Variants in GALNT13 observed in about 807,000 individuals in gnomAD.
GALNT13 encodes the protein UDP-GalNAc:polypeptide N-acetylgalactosaminyltransferase 13.
A neutral mutation model predicts 64.2 loss-of-function variants in GALNT13; 28 were observed. The observed-to-expected ratio is 0.44, with a 90% CI of 0.32 to 0.60. The LOEUF is 0.60. GALNT13 is among the 20% of genes least tolerant of loss of function. GALNT13 has a pLI of 0.05. For synonymous variants in GALNT13, 214 were observed against 224.6 expected, an observed-to-expected ratio of 0.95 and a Z score of 0.42; for missense variants, 577 against 669.8, an observed-to-expected ratio of 0.86 and a Z score of 1.53.
At chr2:153,308,501 C>T in the GALNT13 span, among the ~76,000 whole-genome samples, 2 of 152,166 alleles carry the variant, frequency 1.3e-5, no homozygotes, top group African/African-American at 2.4e-5. Context: ...ATCAGGGAAA[C>T]ACTATAACAA....
the GALNT13 span, among the ~76,000 whole-genome samples, chr2:153,088,575 A>G: frequency 1.3e-5 from 2 of 152,174 alleles, no homozygotes; most frequent in Non-Finnish European, 2.9e-5. Flanking sequence ...GCTCCCCACT[A>G]TTATCGTGTT....
the GALNT13 span, among the ~76,000 whole-genome samples, chr2:153,487,953 T>C: frequency 0.014 from 2,087 of 152,274 alleles, 50 homozygotes; most frequent in African/African-American, 0.047. Flanking sequence ...AGATTTGCAT[T>C]TTAAAAAGAA....
the GALNT13 span, among the ~76,000 whole-genome samples, chr2:153,160,645 A>G: frequency 6.6e-6 from 1 of 152,224 alleles, no homozygotes; most frequent in African/African-American, 2.4e-5. Flanking sequence ...GCATGTGTCC[A>G]TAGTGGGAAA....
chr2:153,260,821 G>GTTGACCTCTTCAAC, the GALNT13 span, among the ~76,000 whole-genome samples: 1 of 152,128 alleles, frequency 6.6e-6, no homozygotes, highest in Non-Finnish European at 1.5e-5. Context: ...TTCAAGACCA[G>GTTGACCTCTTCAAC]TAGCTCTTGG....
At chr2:153,861,559 C>CTTTTTTTTTTTTTTTTTT in the GALNT13 span, among the ~76,000 whole-genome samples, 21 of 118,194 alleles carry the variant, frequency 1.8e-4, no homozygotes, top group East Asian at 5.9e-4. Flanking sequence ...TTCTTTCTTT[C>CTTTTTTTTTTTTTTTTTT]TTTTTTTTTT....
At chr2:154,378,852 A>T (rs1318493180) in intron 9 of GALNT13, among the ~76,000 whole-genome samples, 2 of 152,152 alleles carry the variant, frequency 1.3e-5, no homozygotes, top group Admixed American at 6.6e-5. Flanking sequence ...ATTTTTAAAG[A>T]TACTTTTCCT....
chr2:154,315,890 C>G (rs34728406), intron 9 of GALNT13, among the ~76,000 whole-genome samples: 125 of 152,100 alleles, frequency 8.2e-4, no homozygotes, highest in African/African-American at 3.0e-3. Flanking sequence ...GAGTTCCAGA[C>G]CAGACTGACC....
chr2:154,338,160 A>G (rs1382140247), intron 9 of GALNT13, among the ~76,000 whole-genome samples: 1 of 152,132 alleles, frequency 6.6e-6, no homozygotes, highest in Non-Finnish European at 1.5e-5. Context: ...CACATAATAT[A>G]TTTTTAACAG....
chr2:154,019,322 A>G (rs1697253290), intron 3 of GALNT13, among the ~76,000 whole-genome samples: 1 of 152,148 alleles, frequency 6.6e-6, no homozygotes, highest in Non-Finnish European at 1.5e-5. Context: ...GAAATCATTA[A>G]TTCTTTAGCA....
At chr2:153,424,100 T>A in the GALNT13 span, among the ~76,000 whole-genome samples, 8 of 150,290 alleles carry the variant, frequency 5.3e-5, no homozygotes, top group Non-Finnish European at 1.2e-4. Flanking sequence ...GTCCTACCCA[T>A]GTATATGTGG....
chr2:153,464,740 A>G, the GALNT13 span, among the ~76,000 whole-genome samples: 12 of 152,104 alleles, frequency 7.9e-5, no homozygotes, highest in African/African-American at 2.9e-4. Context: ...TAAGGGTGAT[A>G]TCACCTAGAA....
At chr2:153,906,881 A>C (rs202049139) in intron 2 of GALNT13, among the ~76,000 whole-genome samples, 6 of 150,412 alleles carry the variant, frequency 4.0e-5, no homozygotes, top group Non-Finnish European at 8.9e-5. Flanking sequence ...AAGTGTTCCT[A>C]TTTCTCCACA....
chr2:154,196,465 T>G (rs903682585), intron 4 of GALNT13, among the ~76,000 whole-genome samples: 23 of 152,334 alleles, frequency 1.5e-4, no homozygotes, highest in Non-Finnish European at 1.0e-4. Context: ...ATTAATCTAC[T>G]GGTGTTGGTC....
At chr2:154,095,686 G>A (rs1702040470) in intron 3 of GALNT13, among the ~76,000 whole-genome samples, 1 of 151,820 alleles carries the variant, frequency 6.6e-6, no homozygotes, top group Admixed American at 6.6e-5. Flanking sequence ...TTCCAAATAT[G>A]CTAATTACTA....
the GALNT13 span, among the ~76,000 whole-genome samples, chr2:153,270,969 A>C: frequency 6.6e-6 from 1 of 152,200 alleles, no homozygotes; most frequent in South Asian, 2.1e-4. Context: ...CAACATATGC[A>C]ACTCATAAAA....
intron 1 of GALNT13, among the ~76,000 whole-genome samples, chr2:153,900,359 A>T (rs771818371): frequency 6.6e-6 from 1 of 152,172 alleles, no homozygotes; most frequent in African/African-American, 2.4e-5. Flanking sequence ...ATTCTGAAAC[A>T]CAGAGAATGG....
At chr2:154,154,372 C>A (rs1018167776) in intron 4 of GALNT13, among the ~76,000 whole-genome samples, 1 of 152,134 alleles carries the variant, frequency 6.6e-6, no homozygotes, top group African/African-American at 2.4e-5. Context: ...GTTAACTATC[C>A]ATCCAAGCTC....
chr2:154,020,457 T>G (rs1697368959), intron 3 of GALNT13, among the ~76,000 whole-genome samples: 1 of 152,206 alleles, frequency 6.6e-6, no homozygotes, highest in Non-Finnish European at 1.5e-5. Context: ...CCAGTGATGA[T>G]GAGCATTTTT....
chr2:153,112,540 ATTTTAACTAGTCCCTCTCAC>A, the GALNT13 span, among the ~76,000 whole-genome samples: 26 of 152,202 alleles, frequency 1.7e-4, no homozygotes, highest in African/African-American at 4.8e-4. Flanking sequence ...GAAGAGGGAC[ATTTTAACTAGTCCCTCTCAC>A]ATACCAGAAT....
Sources: gnomAD v4.1 joint callset for allele counts (sites outside exome capture counted in the v4.1 genomes callset) on GRCh38, gnomAD v4.1.1 for gene constraint, MANE v1.5 for transcripts, NCBI Gene and HGNC (gene_info 2026-07-23, HGNC 2026-07-21) for gene names.